Variants in NHSL1 observed in about 807,000 individuals in gnomAD.
The protein encoded by NHSL1 is NHS like 1.
Under a neutral mutation model 95.0 loss-of-function variants are expected in NHSL1, and 48 were observed. That is an observed-to-expected ratio of 0.51 (90% CI 0.40 to 0.64). NHSL1 has a LOEUF of 0.64. Among genes scored for constraint, NHSL1 ranks in the 30% least tolerant of loss-of-function variants. NHSL1 has a pLI of 0.00. For missense variants in NHSL1, 1,971 were observed against 2,077.7 expected (o/e 0.95, Z 1.00); for synonymous variants, 783 against 833.9 (o/e 0.94, Z 1.05).
At chr6:138,520,020 T>G (rs6570242) in intron 1 of NHSL1, among the ~76,000 whole-genome samples, 4 of 151,968 alleles carry the variant, frequency 2.6e-5, no homozygotes, top group Admixed American at 2.0e-4. Flanking sequence ...GTTTTTCCCA[T>G]AACCGTTGGC....
intron 1 of NHSL1, among the ~76,000 whole-genome samples, chr6:138,509,662 T>C (rs1327867221): frequency 1.3e-5 from 2 of 152,202 alleles, no homozygotes; most frequent in Admixed American, 6.5e-5. Flanking sequence ...CTCTCATTCA[T>C]GGTCAAGTCT....
chr6:138,612,579 G>C (rs1386347929), intron 1 of NHSL1, among the ~76,000 whole-genome samples: 4 of 152,198 alleles, frequency 2.6e-5, no homozygotes, highest in Non-Finnish European at 4.4e-5. Flanking sequence ...AGATACATGA[G>C]AGAGTGAAAA....
intron 1 of NHSL1, among the ~76,000 whole-genome samples, chr6:138,592,010 A>G (rs1385939407): frequency 6.6e-6 from 1 of 152,202 alleles, no homozygotes; most frequent in Non-Finnish European, 1.5e-5. Flanking sequence ...GTAACTTTGA[A>G]AGTTCCCATT....
At chr6:138,557,539 G>A (rs1368549592) in intron 1 of NHSL1, among the ~76,000 whole-genome samples, 1 of 152,232 alleles carries the variant, frequency 6.6e-6, no homozygotes, top group African/African-American at 2.4e-5. Context: ...GTCACTGGAA[G>A]TTAAAGAACA....
intron 1 of NHSL1, among the ~76,000 whole-genome samples, chr6:138,580,405 T>G (rs1007416826): frequency 2.6e-5 from 4 of 152,190 alleles, no homozygotes; most frequent in African/African-American, 9.7e-5. Context: ...TTGAGTAATT[T>G]CTTCGGGATG....
intron 1 of NHSL1, among the ~76,000 whole-genome samples, chr6:138,579,342 A>T (rs4348334): frequency 6.6e-6 from 1 of 152,126 alleles, no homozygotes; most frequent in Non-Finnish European, 1.5e-5. Context: ...GATCTTAACA[A>T]GTTTCAGCGT....
At chr6:138,691,970 T>C (rs1223482555) in intron 1 of NHSL1, 1 of 456,532 alleles carries the variant, frequency 2.2e-6, no homozygotes, top group Non-Finnish European at 4.4e-6. Flanking sequence ...AGAACACAGG[T>C]AGGCGGCGGG....
chr6:138,523,648 A>AAAAAAAAAAAAAAG, intron 1 of NHSL1, among the ~76,000 whole-genome samples: 1 of 150,082 alleles, frequency 6.7e-6, no homozygotes, highest in Non-Finnish European at 1.5e-5. Context: ...AAAAAAAAAA[A>AAAAAAAAAAAAAAG]AAAACAGAGC....
chr6:138,448,391 C>T (rs775363142), intron 3 of NHSL1, among the ~76,000 whole-genome samples: 5 of 152,246 alleles, frequency 3.3e-5, no homozygotes, highest in East Asian at 3.9e-4. Context: ...AGCATTTAAA[C>T]GGAACTACCA....
intron 1 of NHSL1, among the ~76,000 whole-genome samples, chr6:138,541,044 A>C (rs1782558922): frequency 6.6e-6 from 1 of 152,194 alleles, no homozygotes; most frequent in South Asian, 2.1e-4. Flanking sequence ...GGGGCACAGA[A>C]GGATATATGT....
In NHSL1 at chr6:138,478,014, T is replaced by C. The variant is rs1395638460; in HGVS notation, c.212-4581A>G. Among the ~76,000 whole-genome samples, 30 of 52,134 alleles carry C rather than the reference T, an allele frequency of 5.8e-4. No individual in the cohort carries two copies. In the South Asian group the frequency reaches 0.016, roughly 29 times the overall value. 34.2% of individuals were successfully genotyped at this position (52,134 alleles called of 152,430 possible). On this transcript the variant is annotated intron_variant, in intron 2 of 7. Coordinates refer to ENST00000343505, the MANE Select transcript of NHSL1 (RefSeq NM_001144060.2). ...TTTTCACCATGAAATTTATGTCACT[T>C]TTTTTTTTTTTTTTTTTTTTTTTTT... is the stretch of plus-strand genomic sequence containing the variant.
chr6:138,665,892 AG>A (rs1179941364), intron 1 of NHSL1, among the ~76,000 whole-genome samples: 2 of 152,198 alleles, frequency 1.3e-5, no homozygotes, highest in African/African-American at 4.8e-5. Context: ...TTTAAGCCCC[AG>A]GCTCTCTCTG....
At chr6:138,545,955 T>C (rs998429689), upstream of NHSL1, 2 of 365,272 alleles carry the variant, frequency 5.5e-6, no homozygotes. Flanking sequence ...AGCCCATTTG[T>C]TTGTGCTTCT....
At chr6:138,684,240 A>G (rs1302122543) in intron 1 of NHSL1, among the ~76,000 whole-genome samples, 3 of 151,948 alleles carry the variant, frequency 2.0e-5, no homozygotes, top group Non-Finnish European at 4.4e-5. Flanking sequence ...CCCTGCAAAG[A>G]CAGTCTGACA....
chr6:138,516,539 C>T (rs983345973), intron 1 of NHSL1, among the ~76,000 whole-genome samples: 2 of 152,078 alleles, frequency 1.3e-5, no homozygotes. Flanking sequence ...TGGTGTCAAG[C>T]CAAAGACCTT....
intron 1 of NHSL1, among the ~76,000 whole-genome samples, chr6:138,583,224 C>CA (rs1784087149): frequency 6.6e-6 from 1 of 152,160 alleles, no homozygotes; most frequent in African/African-American, 2.4e-5. Context: ...GCAATGGCAC[C>CA]AGAGAGCACA....
intron 1 of NHSL1, among the ~76,000 whole-genome samples, chr6:138,561,456 T>G (rs968906341): frequency 6.6e-6 from 1 of 152,178 alleles, no homozygotes; most frequent in Non-Finnish European, 1.5e-5. Context: ...TAAGAGGGCA[T>G]GAAAATGGAA....
intron 1 of NHSL1, among the ~76,000 whole-genome samples, chr6:138,664,903 CT>C (rs1562406635): frequency 1.3e-5 from 2 of 152,148 alleles, no homozygotes; most frequent in Non-Finnish European, 2.9e-5. Flanking sequence ...GGAAACTTAG[CT>C]TTTTATCTTA....
chr6:138,499,547 C>A, upstream of NHSL1: 1 of 611,158 alleles, frequency 1.6e-6, no homozygotes, highest in Non-Finnish European at 2.3e-6. Flanking sequence ...CCAGTGACAT[C>A]GTGCGCTGAA....
Sources: allele counts gnomAD v4.1 joint callset (sites outside exome capture counted in the v4.1 genomes callset), GRCh38; gene constraint gnomAD v4.1.1; transcripts MANE v1.5; gene names NCBI Gene and HGNC (gene_info 2026-07-23, HGNC 2026-07-21).